CPEB2: variants seen among roughly 807,000 people sequenced by gnomAD.
CPEB2 encodes cytoplasmic polyadenylation element binding protein 2, also known as cytoplasmic polyadenylation element-binding protein 2.
In CPEB2, 56 loss-of-function variants were observed where a neutral mutation model predicts 93.6. The observed-to-expected ratio is 0.60, with a 90% CI of 0.48 to 0.75. The LOEUF (loss-of-function observed/expected upper bound fraction) is 0.75, where lower values mean the gene tolerates loss of function less well. Among genes scored for constraint, CPEB2 ranks in the 30% least tolerant of loss-of-function variants. The probability of loss-of-function intolerance (pLI) is 0.00; values close to 1 mark genes in which losing one functional copy is unlikely to be tolerated. For missense variants in CPEB2, 1,579 were observed against 1,395.1 expected, an observed-to-expected ratio of 1.13 and a Z score of -2.10; for synonymous variants, 764 against 586.3, an observed-to-expected ratio of 1.30 and a Z score of -4.38.
In CPEB2 at chr4:15,004,261, C is replaced by T; in HGVS notation, c.1588C>T (p.Pro530Ser). 8 of 1,495,606 alleles carry T rather than the reference C, an allele frequency of 5.3e-6. No homozygotes were observed. Among genetic ancestry groups the T allele is most frequent in the Non-Finnish European group, 6.2e-6 (7 of 1,129,904 alleles). 92.6% of individuals were successfully genotyped at this position (1,495,606 alleles called of 1,614,324 possible). A position where few individuals can be genotyped will look rare whatever the true frequency, so the allele number is the denominator to read the frequency against. Residue 530 changes from proline to serine, a missense_variant, in exon 1 of 12, where the codon CCG becomes TCG. Transcript: ENST00000538197. ...QPQSRRSPVSPQLQQQHQAAA... is the reference protein window; with the variant it reads ...QPQSRRSPVSSQLQQQHQAAA... ...GCAGAGCCGGAGGTCGCCCGTCAGC[C>T]CGCAGCTCCAGCAGCAGCACCAGGC... is the stretch of plus-strand genomic sequence containing the variant.
rs1175731473 is a variant in CPEB2, at chr4:15,004,093, A to T, written c.1420A>T (p.Thr474Ser). 28 of 1,562,500 alleles carry T rather than the reference A, an allele frequency of 1.8e-5. No homozygotes were observed. Among genetic ancestry groups the T allele is most frequent in the Non-Finnish European group, 2.3e-5 (27 of 1,158,050 alleles). The change falls in exon 1 of 12, where the codon ACT (threonine) becomes TCT (serine). Residue 474 changes from threonine to serine, a missense_variant. Thr to Ser is a moderately conservative substitution (Grantham distance 58, BLOSUM62 1). Coordinates refer to ENST00000538197, the MANE Select transcript of CPEB2 (RefSeq NM_001177382.2). ...CTCGCCCGTGTCGCCGCACGGCTGC[A>T]CTGGGCTCAGCGTTCCGACGAGCGG... ...SFSPVSPHGC[T>S]GLSVPTSGGG...
At chr4:15,049,001 C>T (rs1392543411) in intron 6 of CPEB2, among the ~76,000 whole-genome samples, 1 of 151,580 alleles carries the variant, frequency 6.6e-6, no homozygotes, top group African/African-American at 2.4e-5. Flanking sequence ...AAATCTGTAG[C>T]TTTTATGGCT....
Position 15,002,484 on chromosome 4 carries a change from A to ACGGCGGCGG in CPEB2, c.-181_-173dup. ...GGCCAGGGCGGCTACGGCGACTGCG[A>ACGGCGGCGG]CGGCGGCGGCGGCGGCGATCGCCGC... On this transcript the variant is annotated 5_prime_UTR_variant, in exon 1 of 12. Transcript: ENST00000538197. 2 of 487,790 alleles carry ACGGCGGCGG rather than the reference A, an allele frequency of 4.1e-6. No individual in the cohort carries two copies. The highest frequency in any genetic ancestry group is 3.5e-6 in the Non-Finnish European group (1 of 283,238). The allele number at this position is 487,790 out of a possible 1,614,324, so 30.2% of individuals were successfully genotyped here.
intron 8 of CPEB2, among the ~76,000 whole-genome samples, chr4:15,055,386 G>A (rs2109088142): frequency 6.6e-6 from 1 of 152,270 alleles, no homozygotes; most frequent in East Asian, 1.9e-4. Context: ...TCTCCACATA[G>A]ATAGAGATGT....
At chr4:15,050,509 T>C (rs910296075) in intron 6 of CPEB2, among the ~76,000 whole-genome samples, 1 of 152,182 alleles carries the variant, frequency 6.6e-6, no homozygotes, top group African/African-American at 2.4e-5. Context: ...TCTAACATAC[T>C]TCTCTTCATT....
At position 15,033,229 on chromosome 4, in the gene CPEB2, A is replaced by G. The variant is rs1179772699; in HGVS notation, c.2176+18A>G. On this transcript the variant is annotated intron_variant, in intron 5 of 11. Transcript: ENST00000538197. Reference sequence around the variant, plus strand: ...GTTAAATGGTAAGTTTTATAAAAACATTTTATGTTTCCAGTTGATTTATGT... The same window carrying G: ...GTTAAATGGTAAGTTTTATAAAAACGTTTTATGTTTCCAGTTGATTTATGT... The G allele has an allele frequency of 2.0e-6, 3 of 1,490,324 alleles. No homozygotes were observed. The highest frequency in any genetic ancestry group is 3.4e-5 in the Admixed American group (2 of 59,048). The allele number at this position is 1,490,324 out of a possible 1,614,324, so 92.3% of individuals were successfully genotyped here. A position where few individuals can be genotyped will look rare whatever the true frequency, so the allele number is the denominator to read the frequency against.
chr4:15,027,443 C>T (rs1038311341), intron 4 of CPEB2, among the ~76,000 whole-genome samples: 3 of 152,136 alleles, frequency 2.0e-5, no homozygotes, highest in Non-Finnish European at 4.4e-5. Flanking sequence ...TATTCTTAGG[C>T]TTTTATGAGG....
chr4:15,006,253 T>C (rs1245377961), intron 1 of CPEB2, among the ~76,000 whole-genome samples: 4 of 152,164 alleles, frequency 2.6e-5, no homozygotes, highest in Non-Finnish European at 5.9e-5. Flanking sequence ...GTGCTGTAGA[T>C]CAGGAGTTTC....
In CPEB2 at chr4:15,019,536, A is replaced by T. The variant is rs1266429819; in HGVS notation, c.2125+2258A>T. On this transcript the variant is annotated intron_variant, in intron 4 of 11. Coordinates refer to ENST00000538197, the MANE Select transcript of CPEB2 (RefSeq NM_001177382.2). Reference sequence around the variant, plus strand: ...TTCCATTACTGTTCTTGAGGGCAGTATTTCGCCCTCTGTCTCATCTCTTGT... The same window carrying T: ...TTCCATTACTGTTCTTGAGGGCAGTTTTTCGCCCTCTGTCTCATCTCTTGT... Among the ~76,000 whole-genome samples, 4 of 151,880 alleles carry T rather than the reference A, an allele frequency of 2.6e-5. No homozygotes were observed. The Middle Eastern group carries it at 9.6e-3, about 363-fold the overall frequency.
chr4:15,009,468 T>C (rs565687594), intron 3 of CPEB2, among the ~76,000 whole-genome samples: 1 of 152,344 alleles, frequency 6.6e-6, no homozygotes, highest in South Asian at 2.1e-4. Context: ...GTCTTGTTAA[T>C]ATAAGTTAGC....
rs762446419 is a variant in CPEB2 at position 15,007,502 on chromosome 4, A to G, written c.1860A>G (p.Ser620=). The G allele has an allele frequency of 3.7e-6, 6 of 1,614,126 alleles. No homozygotes were observed. The highest frequency in any genetic ancestry group is 5.1e-6 in the Non-Finnish European group (6 of 1,179,964). The change falls in exon 2 of 12, where the codon TCA becomes TCG. Residue 620 remains serine, a synonymous_variant. Coordinates refer to ENST00000538197, the MANE Select transcript of CPEB2 (RefSeq NM_001177382.2). ...NVIAPPKFTR[S]TPSLTPKSWI... The stretch of plus-strand genomic sequence containing the variant: ...TAGCACCACCGAAATTTACTCGCTC[A>G]ACTCCATCACTGACTCCAAAATCTT...
At chr4:15,010,232 T>C (rs1723296893) in intron 3 of CPEB2, among the ~76,000 whole-genome samples, 1 of 152,202 alleles carries the variant, frequency 6.6e-6, no homozygotes, top group Admixed American at 6.5e-5. Flanking sequence ...AGTTTCCTTA[T>C]CTGTAAAAGG....
intron 11 of CPEB2, among the ~76,000 whole-genome samples, chr4:15,062,794 CT>C (rs1729320074): frequency 6.6e-6 from 1 of 152,036 alleles, no homozygotes; most frequent in African/African-American, 2.4e-5. Flanking sequence ...GTGTATTTCT[CT>C]AAAATAATTG....
chr4:15,038,387 A>T (rs1234960916), intron 5 of CPEB2, among the ~76,000 whole-genome samples: 1 of 152,140 alleles, frequency 6.6e-6, no homozygotes, highest in African/African-American at 2.4e-5. Context: ...AACTTGATGA[A>T]AATATTTTTA....
intron 9 of CPEB2, 109 bp downstream of exon 9, chr4:15,058,648 T>C (rs1577466068): frequency 1.4e-6 from 1 of 698,076 alleles, no homozygotes; most frequent in East Asian, 2.6e-5. Context: ...TGTTGAGTTT[T>C]AGTTTTTGAA....
chr4:15,044,279 C>A (rs1014363898), intron 6 of CPEB2, among the ~76,000 whole-genome samples: 7 of 152,170 alleles, frequency 4.6e-5, no homozygotes, highest in African/African-American at 1.7e-4. Context: ...ACAATGATAG[C>A]ACAGTTGAGT....
At chr4:15,052,311 C>A in intron 6 of CPEB2, 103 bp from the exon 7 acceptor site, 1 of 747,010 alleles carries the variant, frequency 1.3e-6, no homozygotes, top group Non-Finnish European at 2.0e-6. Flanking sequence ...TCACCTGCAT[C>A]ACCTTCATTT....
chr4:15,042,451 T>C (rs1452958295), intron 6 of CPEB2, among the ~76,000 whole-genome samples: 2 of 152,212 alleles, frequency 1.3e-5, no homozygotes, highest in Non-Finnish European at 2.9e-5. Context: ...CCTTCCTGCA[T>C]TGGAAGAAGG....
At chr4:15,052,610 TG>T (rs756783874) in intron 7 of CPEB2, 26 bp downstream of exon 7, 51 of 1,404,586 alleles carry the variant, frequency 3.6e-5, no homozygotes, top group Non-Finnish European at 4.6e-5. Context: ...TTTATTAACA[TG>T]GTGATTTGGG....
Sources: gnomAD v4.1 joint callset for allele counts (sites outside exome capture counted in the v4.1 genomes callset) on GRCh38, gnomAD v4.1.1 for gene constraint, MANE v1.5 for transcripts, NCBI Gene and HGNC (gene_info 2026-07-23, HGNC 2026-07-21) for gene names.